The following IQCM variants were observed in gnomAD, a reference collection of about 807,000 sequenced individuals.
IQCM encodes the protein IQ domain-containing protein M.
IQCM carries 45 observed loss-of-function variants against 57.6 expected under a neutral mutation model. The observed-to-expected ratio is 0.78, with a 90% CI of 0.62 to 1.00. The LOEUF (loss-of-function observed/expected upper bound fraction) is 1.00, where lower values mean the gene tolerates loss of function less well. Among genes scored for constraint, IQCM ranks in the 50% least tolerant of loss-of-function variants. The pLI is 0.00. For missense variants in IQCM, 468 were observed against 511.6 expected (o/e 0.91, Z 0.82); for synonymous variants, 148 against 158.9 (o/e 0.93, Z 0.51).
At chr4:149,532,728 C>T (rs1002538972) in intron 12 of IQCM, among the ~76,000 whole-genome samples, 2 of 152,110 alleles carry the variant, frequency 1.3e-5, no homozygotes, top group African/African-American at 2.4e-5. Context: ...ACCATCTCTT[C>T]CCTCCTTTCT....
chr4:149,795,680 G>A (rs1410692896), intron 2 of IQCM, among the ~76,000 whole-genome samples: 1 of 152,108 alleles, frequency 6.6e-6, no homozygotes, highest in African/African-American at 2.4e-5. Flanking sequence ...TTCTGCTTCT[G>A]GAGAAGAGAG....
At chr4:149,456,572 G>A (rs1737724054) in intron 12 of IQCM, among the ~76,000 whole-genome samples, 1 of 152,056 alleles carries the variant, frequency 6.6e-6, no homozygotes, top group African/African-American at 2.4e-5. Context: ...CACATGAGCA[G>A]ATCAGGCAGA....
chr4:149,581,471 T>C (rs1048071401), intron 9 of IQCM, among the ~76,000 whole-genome samples: 3 of 151,384 alleles, frequency 2.0e-5, no homozygotes, highest in African/African-American at 7.3e-5. Flanking sequence ...TCTTGTATAA[T>C]AGGTGAAGAG....
intron 2 of IQCM, among the ~76,000 whole-genome samples, chr4:149,761,083 A>G (rs1012008559): frequency 3.9e-5 from 6 of 152,096 alleles, no homozygotes; most frequent in Non-Finnish European, 8.8e-5. Flanking sequence ...TATTCTGCCA[A>G]TTACTTGGGC....
chr4:149,591,041 C>T (rs979554805), intron 8 of IQCM, among the ~76,000 whole-genome samples: 1 of 152,018 alleles, frequency 6.6e-6, no homozygotes, highest in Non-Finnish European at 1.5e-5. Context: ...TTATTAAACT[C>T]CCCTGGAAAA....
intron 7 of IQCM, among the ~76,000 whole-genome samples, chr4:149,675,834 T>G (rs1191143994): frequency 6.6e-6 from 1 of 152,000 alleles, no homozygotes; most frequent in Admixed American, 6.6e-5. Context: ...TTTTAATATC[T>G]GAGAAGCAGC....
intron 13 of IQCM, among the ~76,000 whole-genome samples, chr4:149,401,824 C>A (rs2111132914): frequency 1.3e-5 from 2 of 151,864 alleles, no homozygotes; most frequent in South Asian, 4.1e-4. Flanking sequence ...AACAAATACT[C>A]CATGAAAACT....
intron 9 of IQCM, among the ~76,000 whole-genome samples, chr4:149,572,330 A>C (rs975402442): frequency 1.1e-4 from 16 of 151,878 alleles, no homozygotes; most frequent in African/African-American, 3.6e-4. Context: ...TCTATCACCA[A>C]GGCTGGAGTG....
At chr4:149,555,973 T>A (rs989565220) in intron 10 of IQCM, among the ~76,000 whole-genome samples, 1 of 152,134 alleles carries the variant, frequency 6.6e-6, no homozygotes, top group Non-Finnish European at 1.5e-5. Context: ...CCAGAGAAAA[T>A]GACAATGGTC....
intron 12 of IQCM, among the ~76,000 whole-genome samples, chr4:149,440,611 CT>C (rs1348049874): frequency 1.3e-5 from 2 of 151,930 alleles, no homozygotes; most frequent in Non-Finnish European, 2.9e-5. Flanking sequence ...CATTTTTTTC[CT>C]TTTCTTGTGC....
chr4:149,737,486 T>C (rs1767048397), intron 3 of IQCM: 1 of 152,188 alleles, frequency 6.6e-6, no homozygotes, highest in African/African-American at 2.4e-5. Context: ...TCGAAATTCT[T>C]TCAAGTTTGC....
At chr4:149,598,962 C>T (rs1224712850) in intron 8 of IQCM, among the ~76,000 whole-genome samples, 1 of 152,002 alleles carries the variant, frequency 6.6e-6, no homozygotes, top group Non-Finnish European at 1.5e-5. Context: ...ATAGAGCTCC[C>T]ACTGCACTGA....
intron 12 of IQCM, among the ~76,000 whole-genome samples, chr4:149,467,816 T>C (rs1739023383): frequency 6.6e-6 from 1 of 152,130 alleles, no homozygotes; most frequent in Non-Finnish European, 1.5e-5. Flanking sequence ...TCCAACTTCA[T>C]TATTCTTCTG....
intron 2 of IQCM, chr4:149,790,067 C>T (rs1218504070): frequency 3.5e-6 from 2 of 563,450 alleles, no homozygotes; most frequent in Non-Finnish European, 5.9e-6. Context: ...ATCAGCTTCA[C>T]CAGGAACTTC....
intron 7 of IQCM, among the ~76,000 whole-genome samples, chr4:149,659,020 A>G (rs1233662246): frequency 6.6e-6 from 1 of 151,950 alleles, no homozygotes; most frequent in Non-Finnish European, 1.5e-5. Flanking sequence ...TGTTAAAAAG[A>G]AGTGGTTAAA....
chr4:149,659,388 G>C (rs538298394), intron 7 of IQCM, among the ~76,000 whole-genome samples: 1 of 152,218 alleles, frequency 6.6e-6, no homozygotes, highest in Non-Finnish European at 1.5e-5. Context: ...TCAATATCAT[G>C]AAAATGGCCA....
At chr4:149,496,469 G>T (rs1742669861) in intron 12 of IQCM, among the ~76,000 whole-genome samples, 1 of 152,092 alleles carries the variant, frequency 6.6e-6, no homozygotes, top group Non-Finnish European at 1.5e-5. Flanking sequence ...CTTTATAAGA[G>T]AGAGGCAGGA....
chr4:149,545,462 G>C (rs1413072924), intron 12 of IQCM, among the ~76,000 whole-genome samples: 2 of 152,066 alleles, frequency 1.3e-5, no homozygotes, highest in East Asian at 3.9e-4. Context: ...GATCATCAGG[G>C]AAATGCAAGT....
intron 5 of IQCM, among the ~76,000 whole-genome samples, chr4:149,700,886 G>A (rs1158336307): frequency 6.6e-6 from 1 of 152,004 alleles, no homozygotes; most frequent in African/African-American, 2.4e-5. Context: ...ATTGTGAAGA[G>A]CAAAAGAAAC....
Sources: gnomAD v4.1 joint callset for allele counts (sites outside exome capture counted in the v4.1 genomes callset) on GRCh38, gnomAD v4.1.1 for gene constraint, MANE v1.5 for transcripts, NCBI Gene and HGNC (gene_info 2026-07-23, HGNC 2026-07-21) for gene names.